RGP1: variants seen among roughly 807,000 people sequenced by gnomAD.
RGP1 encodes the protein RAB6A-GEF complex partner protein 2.
In RGP1, 28 loss-of-function variants were observed where a neutral mutation model predicts 44.5. That is an observed-to-expected ratio of 0.63 (90% CI 0.47 to 0.86). The LOEUF (loss-of-function observed/expected upper bound fraction) is 0.86, where lower values mean the gene tolerates loss of function less well. RGP1 is among the 40% of genes least tolerant of loss of function. The pLI, the probability that RGP1 is intolerant of heterozygous loss-of-function variation, is 0.00. For synonymous variants in RGP1, 212 were observed against 196.7 expected (o/e 1.08, Z -0.65); for missense variants, 417 against 490.7 (o/e 0.85, Z 1.42).
At position 35,752,023 on chromosome 9, in the gene RGP1, G is replaced by A. The variant is rs199945881; in HGVS notation, c.830G>A (p.Gly277Asp). 2.0e-4 allele frequency: 325 copies of A among 1,609,828 alleles called. No homozygotes were observed. Among genetic ancestry groups the A allele is most frequent in the Non-Finnish European group, 2.5e-4 (292 of 1,177,768 alleles). ...TACCAGCGGCGACGTGGGGCAGGGGGTGTCCCCTCTGTGTCACATGTGACT... is the reference window on the plus strand; with the variant it reads ...TACCAGCGGCGACGTGGGGCAGGGGATGTCCCCTCTGTGTCACATGTGACT... ...PEYQRRRGAG[G>D]VPSVSHVTHA... The change falls in exon 8 of 9, where the codon GGT becomes GAT. Residue 277 changes from glycine (G) to aspartate (D), a missense_variant. Gly to Asp is a moderately conservative substitution (Grantham distance 94, BLOSUM62 -1). Coordinates refer to ENST00000378078, the MANE Select transcript of RGP1 (RefSeq NM_001080496.3).
the RGP1 span, among the ~76,000 whole-genome samples, chr9:35,771,970 G>T: frequency 6.6e-6 from 1 of 152,084 alleles, no homozygotes; most frequent in Non-Finnish European, 1.5e-5. Flanking sequence ...GTTTGCTTTT[G>T]GGGGAGGGGA....
chr9:35,752,863 A>G lies in RGP1; in HGVS notation c.1165A>G (p.Ile389Val). The G allele has an allele frequency of 6.2e-7, 1 of 1,613,738 alleles. No individual in the cohort carries two copies. Among genetic ancestry groups the G allele is most frequent in the Non-Finnish European group, 8.5e-7 (1 of 1,179,806 alleles). Reference protein sequence around the residue: ...YAAPGPSTSTITI With the variant: ...YAAPGPSTSTVTI ...TGCCCCAGGCCCCAGCACCAGCACC[A>G]TAACCATCTGAAACTGGCCCACCCT... The change falls in exon 9 of 9, where the codon ATA becomes GTA. Residue 389 changes from isoleucine to valine, a missense_variant. Physicochemically the swap from Ile to Val is conservative, Grantham distance 29 (BLOSUM62 3). Transcript: ENST00000378078.
rs767144864 is a variant in RGP1 at position 35,753,335 on chromosome 9, C to T, written c.*461C>T. ...AGCACAGTGAAAGGCTGCCTTTATC[C>T]CTGCCCACATGTTCCCTCTCTCACA... On this transcript the variant is annotated 3_prime_UTR_variant, in exon 9 of 9. Coordinates refer to ENST00000378078, the MANE Select transcript of RGP1 (RefSeq NM_001080496.3). The surrounding 1 kb of genome is among the most constrained non-coding windows in gnomAD (Gnocchi z 4.2). The T allele has an allele frequency of 6.4e-5, 100 of 1,566,570 alleles. No homozygotes were observed. Among genetic ancestry groups the T allele is most frequent in the Non-Finnish European group, 8.6e-5 (99 of 1,153,028 alleles).
At chr9:35,770,420 A>C in the RGP1 span, among the ~76,000 whole-genome samples, 3 of 151,748 alleles carry the variant, frequency 2.0e-5, no homozygotes, top group South Asian at 6.2e-4. Context: ...GAAAGCTGAT[A>C]GAAATGGACT....
rs181383037 is a variant in RGP1 at position 35,751,535 on chromosome 9, A to G, written c.635-92A>G. 16 of 1,599,514 alleles carry G rather than the reference A, an allele frequency of 1.0e-5. No individual in the cohort carries two copies. In the Admixed American group the frequency reaches 1.7e-4, roughly 17 times the overall value. ...ACTGATACCTGACACCTCCAATTTT[A>G]AAGAAAAGCCCCATCTTTTGGCCTG... is the stretch of plus-strand genomic sequence containing the variant. On this transcript the variant is annotated intron_variant, in intron 6 of 8. Transcript: ENST00000378078.
rs1827369115 is a variant in RGP1, at chr9:35,757,144, A to T, written c.*4270A>T. The stretch of plus-strand genomic sequence containing the variant: ...CCAGCCTCGGGGCAGGTGCGCGGAG[A>T]GGAAGTGAGAGCATTCCGGCCCCCC... On this transcript the variant is annotated 3_prime_UTR_variant, in exon 9 of 9. Transcript: ENST00000378078. 6.6e-6 allele frequency: 1 copy of T among 152,134 alleles called. No homozygotes were observed. Among genetic ancestry groups the T allele is most frequent in the Non-Finnish European group, 1.5e-5 (1 of 68,086 alleles). The allele number at this position is 152,134 out of a possible 1,614,324, so 9.4% of individuals were successfully genotyped here.
At chr9:35,767,005 C>T in the RGP1 span, among the ~76,000 whole-genome samples, 1 of 152,172 alleles carries the variant, frequency 6.6e-6, no homozygotes, top group South Asian at 2.1e-4. Flanking sequence ...GTTGTTGCCT[C>T]TCTGTGATTT....
At position 35,753,909 on chromosome 9, in the gene RGP1, G is replaced by T; in HGVS notation, c.*1035G>T. 6.4e-7 allele frequency: 1 copy of T among 1,555,080 alleles called. No individual in the cohort carries two copies. The highest frequency in any genetic ancestry group is 2.3e-5 in the East Asian group (1 of 44,322). On this transcript the variant is annotated 3_prime_UTR_variant, in exon 9 of 9. Transcript: ENST00000378078. This position sits in a 1 kb window ranked among gnomAD's most constrained non-coding sequence, Gnocchi z 4.2. ...CCTGTTTCACAGCTGGAGGAAGCCTGGGTATTTTGACACGGGATCATCTGT... is the reference window on the plus strand; with the variant it reads ...CCTGTTTCACAGCTGGAGGAAGCCTTGGTATTTTGACACGGGATCATCTGT...
the RGP1 span, among the ~76,000 whole-genome samples, chr9:35,785,039 T>C: frequency 1.3e-5 from 2 of 152,222 alleles, no homozygotes; most frequent in Non-Finnish European, 2.9e-5. Context: ...CAATACTTGA[T>C]TTATATATCC....
rs1360378983 is a variant in RGP1, at chr9:35,755,858, A to G, written c.*2984A>G. On this transcript the variant is annotated 3_prime_UTR_variant, in exon 9 of 9. Transcript: ENST00000378078. ...ACCTCTTTCAAAAACAGGTACCTCC[A>G]GGAACATTTTGGTTTTGGCCCTTGT... 1.3e-5 allele frequency: 2 copies of G among 152,326 alleles called. No individual in the cohort carries two copies. Among genetic ancestry groups the G allele is most frequent in the African/African-American group, 4.8e-5 (2 of 41,442 alleles). The allele number at this position is 152,326 out of a possible 1,614,324, so 9.4% of individuals were successfully genotyped here.
rs569916723 is a variant in RGP1 at position 35,754,448 on chromosome 9, G to A, written c.*1574G>A. 4 of 212,254 alleles carry A rather than the reference G, an allele frequency of 1.9e-5. No individual in the cohort carries two copies. Among genetic ancestry groups the A allele is most frequent in the African/African-American group, 4.6e-5 (2 of 43,498 alleles). The allele number at this position is 212,254 out of a possible 1,614,324, so 13.1% of individuals were successfully genotyped here. On this transcript the variant is annotated 3_prime_UTR_variant, in exon 9 of 9. Transcript: ENST00000378078. ...CCGGCACAGCTAGAGGGAGGGAGGT[G>A]GCCATGGAGGGGGCACTGGACTGGG...
intron 7 of RGP1, 29 bp downstream of exon 7, chr9:35,751,783 C>T: frequency 6.2e-7 from 1 of 1,613,266 alleles, no homozygotes; most frequent in African/African-American, 1.3e-5. Context: ...TTCTTACCTG[C>T]TGGGGTGCTG....
the RGP1 span, among the ~76,000 whole-genome samples, chr9:35,778,835 C>T: frequency 4.6e-5 from 7 of 152,240 alleles, no homozygotes; most frequent in South Asian, 4.1e-4. Context: ...TGTATATGTG[C>T]TTTTTATATT....
the RGP1 span, among the ~76,000 whole-genome samples, chr9:35,776,270 C>A: frequency 2.2e-4 from 34 of 151,858 alleles, no homozygotes; most frequent in Non-Finnish European, 4.3e-4. Flanking sequence ...TGTTTTTGGC[C>A]TATTCTCCTT....
chr9:35,766,658 A>G, the RGP1 span, among the ~76,000 whole-genome samples: 1 of 152,154 alleles, frequency 6.6e-6, no homozygotes, highest in Non-Finnish European at 1.5e-5. Context: ...ATCCATTTTG[A>G]TCGCATGCTT....
At chr9:35,776,433 G>A in the RGP1 span, among the ~76,000 whole-genome samples, 4 of 151,744 alleles carry the variant, frequency 2.6e-5, no homozygotes, top group East Asian at 2.0e-4. Context: ...AATTACGGGC[G>A]TCTGCACCAT....
chr9:35,771,316 T>A, the RGP1 span, among the ~76,000 whole-genome samples: 1 of 152,172 alleles, frequency 6.6e-6, no homozygotes. Context: ...AGATGCTTCC[T>A]TTACCCCTTC....
chr9:35,750,503 G>A, intron 3 of RGP1, 124 bp downstream of exon 3: 2 of 1,331,730 alleles, frequency 1.5e-6, no homozygotes, highest in Non-Finnish European at 2.1e-6. Flanking sequence ...TGGGGATGTT[G>A]GGGAGCATGA....
downstream of RGP1, among the ~76,000 whole-genome samples, chr9:35,761,331 C>T (rs999672516): frequency 3.3e-5 from 5 of 152,122 alleles, no homozygotes; most frequent in Admixed American, 6.5e-5. Context: ...AAAGGTTTGG[C>T]AATCTACTTC....
Sources: allele counts gnomAD v4.1 joint callset (sites outside exome capture counted in the v4.1 genomes callset), GRCh38; gene constraint gnomAD v4.1.1; non-coding constraint Gnocchi (gnomAD v3.1); transcripts MANE v1.5; gene names NCBI Gene and HGNC (gene_info 2026-07-23, HGNC 2026-07-21).